Variants in KIAA0319L observed in about 807,000 individuals in gnomAD.
The protein encoded by KIAA0319L is KIAA0319 like.
KIAA0319L carries 55 observed loss-of-function variants against 120.1 expected under a neutral mutation model. The ratio of observed to expected loss-of-function variants is 0.46; its 90% confidence interval spans 0.37 to 0.57. The LOEUF (loss-of-function observed/expected upper bound fraction) is 0.57. Among genes scored for constraint, KIAA0319L ranks in the 20% least tolerant of loss-of-function variants. The pLI is 0.00. For missense variants in KIAA0319L, 1,049 were observed against 1,255.3 expected (o/e 0.84, Z 2.48); for synonymous variants, 398 against 471.9 (o/e 0.84, Z 2.03).
intron 2 of KIAA0319L, among the ~76,000 whole-genome samples, chr1:35,523,453 G>A (rs189855092): frequency 1.8e-4 from 27 of 152,286 alleles, no homozygotes; most frequent in African/African-American, 6.3e-4. Flanking sequence ...AGTATTGAAA[G>A]AATGAATGAA....
rs370601000 is a variant in KIAA0319L, at chr1:35,494,772, T to C, written c.666+11840A>G. On this transcript the variant is annotated intron_variant, in intron 3 of 20. Transcript: ENST00000325722. ...GCTGCAGTGGGCCAAGACTGTACCA[T>C]TGCACTCCAACTGAGCAACCACAGT... Among the ~76,000 whole-genome samples, 155 of 152,128 alleles carry C rather than the reference T, an allele frequency of 1.0e-3. 3 individuals carry two copies. In the South Asian group the frequency reaches 0.014, roughly 14 times the overall value.
At chr1:35,557,412 C>G, upstream of KIAA0319L, 2 of 317,250 alleles carry the variant, frequency 6.3e-6, no homozygotes, top group Non-Finnish European at 1.2e-5. Context: ...ACACCGCCTC[C>G]TCCCACCTCC....
rs1641290217 is a variant in KIAA0319L at position 35,442,385 on chromosome 1, G to A, written c.2780-49C>T. ...AGGGCTGTGGAGGGAGAGGCTGGGAGGGAGGTCTGGGCTGCTCCCAGCTTG... is the reference window on the plus strand; with the variant it reads ...AGGGCTGTGGAGGGAGAGGCTGGGAAGGAGGTCTGGGCTGCTCCCAGCTTG... On this transcript the variant is annotated intron_variant, in intron 18 of 20. Coordinates refer to ENST00000325722, the MANE Select transcript of KIAA0319L (RefSeq NM_024874.5). The A allele has an allele frequency of 2.1e-6, 3 of 1,439,588 alleles. No individual in the cohort carries two copies. In the Admixed American group the frequency reaches 5.0e-5, roughly 24 times the overall value. The allele number at this position is 1,439,588 out of a possible 1,614,324, so 89.2% of individuals were successfully genotyped here. A position where few individuals can be genotyped will look rare whatever the true frequency, so the allele number is the denominator to read the frequency against.
At chr1:35,545,938 G>A (rs1169898765) in intron 2 of KIAA0319L, among the ~76,000 whole-genome samples, 1 of 152,048 alleles carries the variant, frequency 6.6e-6, no homozygotes, top group East Asian at 1.9e-4. Flanking sequence ...CTCAGAATAT[G>A]GCTAGAGGTG....
At chr1:35,547,178 T>C (rs1452162914) in intron 2 of KIAA0319L, among the ~76,000 whole-genome samples, 1 of 146,724 alleles carries the variant, frequency 6.8e-6, no homozygotes, top group Non-Finnish European at 1.5e-5. Context: ...TAATTATACA[T>C]ATTATACGTG....
chr1:35,437,010 C>G lies in KIAA0319L; in HGVS notation c.2963-1929G>C, dbSNP rs1254853920. Among the ~76,000 whole-genome samples, 1 of 152,214 alleles carries G rather than the reference C, an allele frequency of 6.6e-6. No homozygotes were observed. Among genetic ancestry groups the G allele is most frequent in the African/African-American group, 2.4e-5 (1 of 41,460 alleles). ...TAACCCACTGAGCCCAGAACAAGAA[C>G]CAGTGCTTCCGGCCTGCTCAGACCC... On this transcript the variant is annotated intron_variant, in intron 20 of 20. Coordinates refer to ENST00000325722, the MANE Select transcript of KIAA0319L (RefSeq NM_024874.5). This position sits in a 1 kb window ranked among gnomAD's most constrained non-coding sequence, Gnocchi z 4.1.
chr1:35,506,344 T>C lies in KIAA0319L; in HGVS notation c.666+268A>G, dbSNP rs749600479. Among the ~76,000 whole-genome samples, 1 of 152,240 alleles carries C rather than the reference T, an allele frequency of 6.6e-6. No individual in the cohort carries two copies. The highest frequency in any genetic ancestry group is 1.5e-5 in the Non-Finnish European group (1 of 68,036). ...TAACAGCCATACAACTGTACTTACC[T>C]GTAGCCAAGAACCAGCTTAGACTAG... On this transcript the variant is annotated intron_variant, in intron 3 of 20. Coordinates refer to ENST00000325722, the MANE Select transcript of KIAA0319L (RefSeq NM_024874.5). This position sits in a 1 kb window ranked among gnomAD's most constrained non-coding sequence, Gnocchi z 4.0.
intron 3 of KIAA0319L, among the ~76,000 whole-genome samples, chr1:35,490,300 T>G (rs1170649896): frequency 1.3e-5 from 2 of 152,162 alleles, no homozygotes; most frequent in Non-Finnish European, 2.9e-5. Flanking sequence ...AAATTAACCC[T>G]AGACTAAATG....
In KIAA0319L at chr1:35,506,641, C is replaced by T; in HGVS notation, c.637G>A (p.Gly213Ser). 6.2e-7 allele frequency: 1 copy of T among 1,613,904 alleles called. No homozygotes were observed. Among genetic ancestry groups the T allele is most frequent in the Non-Finnish European group, 8.5e-7 (1 of 1,179,844 alleles). Reference sequence around the variant, plus strand: ...GCAGAGCCACTGGTAGTCAGACCACCTAATTCGTTGGAGTCATTCACTTTA... The same window carrying T: ...GCAGAGCCACTGGTAGTCAGACCACTTAATTCGTTGGAGTCATTCACTTTA... ...HSKVNDSNEL[G>S]GLTTSGSAEV... The change falls in exon 3 of 21, where the codon GGT becomes AGT. Residue 213 changes from glycine to serine, a missense_variant. Transcript: ENST00000325722. This position sits in a 1 kb window ranked among gnomAD's most constrained non-coding sequence, Gnocchi z 4.0.
intron 16 of KIAA0319L, 113 bp downstream of exon 16, chr1:35,448,060 T>TC: frequency 9.8e-7 from 1 of 1,019,630 alleles, no homozygotes; most frequent in Non-Finnish European, 1.4e-6. Context: ...ACATGAGTGT[T>TC]TCTGGTCAGA....
At chr1:35,542,532 G>A (rs1336313122) in intron 2 of KIAA0319L, among the ~76,000 whole-genome samples, 4 of 152,228 alleles carry the variant, frequency 2.6e-5, no homozygotes, top group African/African-American at 9.6e-5. Context: ...TCTTAGGAAA[G>A]CTGTTGGAAG....
intron 16 of KIAA0319L, among the ~76,000 whole-genome samples, chr1:35,447,663 C>G (rs1181856945): frequency 6.6e-6 from 1 of 151,696 alleles, no homozygotes; most frequent in Non-Finnish European, 1.5e-5. Flanking sequence ...CCTCAAACCC[C>G]TGGGCTCAAG....
intron 2 of KIAA0319L, among the ~76,000 whole-genome samples, chr1:35,536,463 A>C (rs1257553516): frequency 6.6e-6 from 1 of 152,196 alleles, no homozygotes; most frequent in East Asian, 1.9e-4. Context: ...TTCCCAGTTC[A>C]CCTAGGCAAA....
At chr1:35,514,342 A>C (rs1263649220) in intron 2 of KIAA0319L, among the ~76,000 whole-genome samples, 1 of 151,758 alleles carries the variant, frequency 6.6e-6, no homozygotes, top group African/African-American at 2.4e-5. Context: ...CTGTGTTGGA[A>C]AGTATCATCG....
At chr1:35,517,642 C>T (rs1645739698) in intron 2 of KIAA0319L, among the ~76,000 whole-genome samples, 1 of 152,076 alleles carries the variant, frequency 6.6e-6, no homozygotes, top group African/African-American at 2.4e-5. Context: ...GCAATACCAT[C>T]CTAGGAACAT....
intron 8 of KIAA0319L, among the ~76,000 whole-genome samples, chr1:35,461,968 C>T (rs2149108328): frequency 6.6e-6 from 1 of 152,186 alleles, no homozygotes; most frequent in South Asian, 2.1e-4. Context: ...CTTAACCGGT[C>T]TCAAAAAATC....
At chr1:35,511,724 G>A (rs755617891) in intron 2 of KIAA0319L, among the ~76,000 whole-genome samples, 4 of 152,144 alleles carry the variant, frequency 2.6e-5, no homozygotes, top group Non-Finnish European at 5.9e-5. Flanking sequence ...TTGTAAGGAT[G>A]TTCACTGTAG....
At chr1:35,435,201 C>CCTGTGGGGTGCAGA in intron 20 of KIAA0319L, 120 bp from the exon 21 acceptor site, 1 of 882,322 alleles carries the variant, frequency 1.1e-6, no homozygotes, top group Non-Finnish European at 1.8e-6. Flanking sequence ...CCTCTCCAGG[C>CCTGTGGGGTGCAGA]TGGGAGGTGC....
Position 35,434,621 on chromosome 1 carries a change from G to A in KIAA0319L, c.*273C>T. The stretch of plus-strand genomic sequence containing the variant: ...TAGCAGCTGGCTGGGTCTGCCCTCG[G>A]GGGAGGGGAGGAGTTTGCAAAAAAA... On this transcript the variant is annotated 3_prime_UTR_variant, in exon 21 of 21. Coordinates refer to ENST00000325722, the MANE Select transcript of KIAA0319L (RefSeq NM_024874.5). The A allele has an allele frequency of 2.3e-6, 1 of 427,068 alleles. No individual in the cohort carries two copies. The highest frequency in any genetic ancestry group is 4.2e-6 in the Non-Finnish European group (1 of 237,616). 26.5% of individuals were successfully genotyped at this position (427,068 alleles called of 1,614,324 possible).
Sources: gnomAD v4.1 joint callset for allele counts (sites outside exome capture counted in the v4.1 genomes callset) on GRCh38, gnomAD v4.1.1 for gene constraint, Gnocchi (gnomAD v3.1) non-coding constraint, MANE v1.5 for transcripts, NCBI Gene and HGNC (gene_info 2026-07-23, HGNC 2026-07-21) for gene names.